GSK3B: variants seen among roughly 807,000 people sequenced by gnomAD.
GSK3B encodes the protein glycogen synthase kinase 3 beta, also known as glycogen synthase kinase-3 beta.
Under a neutral mutation model 56.4 loss-of-function variants are expected in GSK3B, and 15 were observed. The observed-to-expected ratio is 0.27, with a 90% confidence interval of 0.18 to 0.41. The LOEUF (loss-of-function observed/expected upper bound fraction) is 0.41. Ranked by LOEUF, GSK3B falls within the 10% of genes least tolerant of loss-of-function variation. The pLI is 1.00. For missense variants in GSK3B, 300 were observed against 513.4 expected, an observed-to-expected ratio of 0.58 and a Z score of 4.02; for synonymous variants, 181 against 188.9, an observed-to-expected ratio of 0.96 and a Z score of 0.34.
intron 7 of GSK3B, among the ~76,000 whole-genome samples, chr3:119,878,969 T>C (rs983178229): frequency 6.6e-6 from 1 of 152,212 alleles, no homozygotes; most frequent in South Asian, 2.1e-4. Context: ...ATGTTCATTA[T>C]CTTGGTTTCA....
intron 8 of GSK3B, among the ~76,000 whole-genome samples, chr3:119,866,795 G>A (rs72548705): frequency 6.6e-6 from 1 of 152,122 alleles, no homozygotes; most frequent in Non-Finnish European, 1.5e-5. Context: ...CTTCACAGTA[G>A]CAAGTCCAAG....
chr3:119,848,176 C>G (rs1228330004), intron 9 of GSK3B, among the ~76,000 whole-genome samples: 1 of 152,178 alleles, frequency 6.6e-6, no homozygotes, highest in Non-Finnish European at 1.5e-5. Context: ...AGCTTGTACA[C>G]AAAAGCATTT....
intron 2 of GSK3B, among the ~76,000 whole-genome samples, chr3:119,969,808 A>G (rs2057349673): frequency 6.6e-6 from 1 of 152,244 alleles, no homozygotes; most frequent in African/African-American, 2.4e-5. Flanking sequence ...ATTTTCCACA[A>G]TTTCAGTTAA....
chr3:120,056,727 GT>G (rs2058194447), intron 1 of GSK3B, among the ~76,000 whole-genome samples: 1 of 152,204 alleles, frequency 6.6e-6, no homozygotes, highest in African/African-American at 2.4e-5. Flanking sequence ...GGAAGAGCAA[GT>G]TTCTCTGAGC....
intron 7 of GSK3B, among the ~76,000 whole-genome samples, chr3:119,888,305 T>A (rs2056463200): frequency 6.6e-6 from 1 of 152,162 alleles, no homozygotes; most frequent in Non-Finnish European, 1.5e-5. Context: ...GGAACATAAA[T>A]TGTGAAGATT....
intron 2 of GSK3B, among the ~76,000 whole-genome samples, chr3:119,958,986 T>C (rs1173391140): frequency 1.3e-5 from 2 of 152,102 alleles, no homozygotes; most frequent in Admixed American, 1.3e-4. Context: ...AAACCTCTGG[T>C]TACTGTGCAG....
At chr3:119,964,337 A>G (rs181505792) in intron 2 of GSK3B, among the ~76,000 whole-genome samples, 8 of 152,360 alleles carry the variant, frequency 5.3e-5, no homozygotes, top group Non-Finnish European at 1.0e-4. Flanking sequence ...TATTCATTGC[A>G]GCATTATTCA....
At chr3:120,074,874 T>C (rs9842216) in intron 1 of GSK3B, among the ~76,000 whole-genome samples, 2,923 of 152,236 alleles carry the variant, frequency 0.019, 94 homozygotes, top group African/African-American at 0.064. Flanking sequence ...TTCCAAATAA[T>C]AGAGCTGTAA....
intron 1 of GSK3B, among the ~76,000 whole-genome samples, chr3:120,068,202 T>A (rs1404829896): frequency 6.7e-6 from 1 of 150,010 alleles, no homozygotes; most frequent in Admixed American, 6.6e-5. Context: ...ACCAGCCTGA[T>A]CAACATGGTG....
At chr3:119,974,953 C>T (rs2057397671) in intron 2 of GSK3B, among the ~76,000 whole-genome samples, 1 of 152,158 alleles carries the variant, frequency 6.6e-6, no homozygotes, top group South Asian at 2.1e-4. Flanking sequence ...CTTACTCTTA[C>T]CACAGCAATT....
At chr3:120,020,384 G>A (rs2057866079) in intron 1 of GSK3B, among the ~76,000 whole-genome samples, 1 of 151,980 alleles carries the variant, frequency 6.6e-6, no homozygotes, top group African/African-American at 2.4e-5. Context: ...ACAAATTGAA[G>A]GTTTATAGTA....
intron 3 of GSK3B, among the ~76,000 whole-genome samples, chr3:119,945,722 A>G (rs533211607): frequency 6.6e-6 from 1 of 152,376 alleles, no homozygotes; most frequent in South Asian, 2.1e-4. Context: ...GGAATGCTAT[A>G]TACATTAAAG....
intron 7 of GSK3B, among the ~76,000 whole-genome samples, chr3:119,886,915 C>A (rs1180083909): frequency 6.6e-6 from 1 of 152,022 alleles, no homozygotes; most frequent in Non-Finnish European, 1.5e-5. Flanking sequence ...ATGCTCAGTA[C>A]CTGGGTGAAA....
At chr3:119,958,571 G>A (rs973609581) in intron 2 of GSK3B, among the ~76,000 whole-genome samples, 2 of 151,994 alleles carry the variant, frequency 1.3e-5, no homozygotes, top group South Asian at 2.1e-4. Flanking sequence ...CTAGCTACTC[G>A]GGAGACTGAG....
chr3:119,918,493 A>G (rs2056804391), intron 4 of GSK3B, among the ~76,000 whole-genome samples: 1 of 151,908 alleles, frequency 6.6e-6, no homozygotes, highest in African/African-American at 2.4e-5. Flanking sequence ...AAAACAAAAC[A>G]AAACAAAAAA....
chr3:119,835,979 CAA>C (rs1451093644), intron 10 of GSK3B, among the ~76,000 whole-genome samples: 1 of 152,070 alleles, frequency 6.6e-6, no homozygotes, highest in African/African-American at 2.4e-5. Context: ...TAGAAACAAA[CAA>C]TGAGAGAAAT....
intron 2 of GSK3B, among the ~76,000 whole-genome samples, chr3:119,951,555 G>A (rs1224390319): frequency 6.6e-6 from 1 of 152,058 alleles, no homozygotes; most frequent in African/African-American, 2.4e-5. Flanking sequence ...TAGAAAACAA[G>A]CCAGAATCTG....
chr3:119,972,147 T>C (rs2057373546), intron 2 of GSK3B, among the ~76,000 whole-genome samples: 1 of 152,156 alleles, frequency 6.6e-6, no homozygotes, highest in Non-Finnish European at 1.5e-5. Context: ...GGTGTCTATA[T>C]AGATAGCTGT....
chr3:119,893,339 T>G (rs2056525602), intron 7 of GSK3B, among the ~76,000 whole-genome samples: 1 of 152,104 alleles, frequency 6.6e-6, no homozygotes, highest in South Asian at 2.1e-4. Context: ...GTAGCTAAAG[T>G]AATAAGCTCA....
Sources: allele counts gnomAD v4.1 joint callset (sites outside exome capture counted in the v4.1 genomes callset), GRCh38; gene constraint gnomAD v4.1.1; transcripts MANE v1.5; gene names NCBI Gene and HGNC (gene_info 2026-07-23, HGNC 2026-07-21).